The following ATP2C2 variants were observed in gnomAD, a reference collection of about 807,000 sequenced individuals.
ATP2C2 encodes the protein ATPase secretory pathway Ca2+ transporting 2.
ATP2C2 carries 171 observed loss-of-function variants against 110.8 expected under a neutral mutation model. The observed-to-expected ratio is 1.54, with a 90% CI of 1.36 to 1.75. The LOEUF is 1.75. ATP2C2 is among the 40% of genes most tolerant of loss of function. The pLI is 0.00. For missense variants in ATP2C2, 1,963 were observed against 1,235.0 expected (o/e 1.59, Z -8.84); for synonymous variants, 804 against 508.4 (o/e 1.58, Z -7.82).
intron 2 of ATP2C2, 38 bp downstream of exon 2, chr16:84,398,647 A>C: frequency 6.6e-7 from 1 of 1,511,062 alleles, no homozygotes; most frequent in Non-Finnish European, 9.1e-7. Context: ...AATTGTGATA[A>C]GGTTTTATGT....
chr16:84,415,504 G>C lies in ATP2C2; in HGVS notation c.537G>C (p.Gln179His). 2 of 1,614,134 alleles carry C rather than the reference G, an allele frequency of 1.2e-6. No homozygotes were observed. Among genetic ancestry groups the C allele is most frequent in the Non-Finnish European group, 1.7e-6 (2 of 1,180,016 alleles). Residue 179 changes from glutamine (Q) to histidine (H), a missense_variant, in exon 7 of 27, where the codon CAG becomes CAC. Physicochemically the swap from Gln to His is conservative, Grantham distance 24 (BLOSUM62 0). Transcript: ENST00000262429. Reference sequence around the variant, plus strand: ...GCAGCCTAAGAGAAGGAAAACTCCAGCACCTGCTTGCTCGAGAACTGGTTC... The same window carrying C: ...GCAGCCTAAGAGAAGGAAAACTCCACCACCTGCTTGCTCGAGAACTGGTTC... Reference protein sequence around the residue: ...ECNCLREGKLQHLLARELVPG... With the variant: ...ECNCLREGKLHHLLARELVPG...
intron 14 of ATP2C2, 32 bp downstream of exon 14, chr16:84,440,990 G>T (rs779039517): frequency 6.5e-7 from 1 of 1,537,340 alleles, no homozygotes; most frequent in East Asian, 2.3e-5. Flanking sequence ...AGGGAAATAG[G>T]CATTTACATT....
At chr16:84,463,493 T>G (rs1438084331) in intron 26 of ATP2C2, 121 bp from the exon 27 acceptor site, 1 of 801,410 alleles carries the variant, frequency 1.2e-6, no homozygotes, top group Non-Finnish European at 2.1e-6. Context: ...TTCAGGGGAA[T>G]GAAAAGGGCT....
At chr16:84,426,600 G>A (rs1907835203) in intron 11 of ATP2C2, among the ~76,000 whole-genome samples, 1 of 152,108 alleles carries the variant, frequency 6.6e-6, no homozygotes, top group Admixed American at 6.5e-5. Context: ...TTCCTCCTCT[G>A]AAAAATGGGA....
At chr16:84,405,843 C>A (rs909568019) in intron 3 of ATP2C2, among the ~76,000 whole-genome samples, 6 of 152,118 alleles carry the variant, frequency 3.9e-5, no homozygotes, top group Admixed American at 3.9e-4. Context: ...TTGTTGGAAC[C>A]CAGGAGGTGG....
At chr16:84,403,092 A>T (rs1224967327) in intron 2 of ATP2C2, among the ~76,000 whole-genome samples, 3 of 152,154 alleles carry the variant, frequency 2.0e-5, no homozygotes, top group Non-Finnish European at 4.4e-5. Context: ...GGTAGCCACT[A>T]ATGGCCCTTT....
chr16:84,393,418 C>T (rs1054510001), intron 1 of ATP2C2, among the ~76,000 whole-genome samples: 1 of 152,054 alleles, frequency 6.6e-6, no homozygotes, highest in Non-Finnish European at 1.5e-5. Context: ...CGAGACTGGA[C>T]TGAGGCAGAG....
At position 84,453,376 on chromosome 16, in the gene ATP2C2, G is replaced by A. The variant is rs780232457; in HGVS notation, c.1980+5G>A. On this transcript the variant is annotated splice_donor_5th_base_variant and intron_variant, in intron 20 of 26. Coordinates refer to ENST00000262429, the MANE Select transcript of ATP2C2 (RefSeq NM_014861.4). ...CACAAGCTCAAAATCATCAAGGTTCGCTGGGCAAGGCAGGCACAGGCTGCG... is the reference window on the plus strand; with the variant it reads ...CACAAGCTCAAAATCATCAAGGTTCACTGGGCAAGGCAGGCACAGGCTGCG... 33 of 1,613,984 alleles carry A rather than the reference G, an allele frequency of 2.0e-5. No homozygotes were observed. The highest frequency in any genetic ancestry group is 1.6e-4 in the Middle Eastern group (1 of 6,084).
chr16:84,419,961 G>T (rs967062036), intron 7 of ATP2C2, among the ~76,000 whole-genome samples: 1 of 152,110 alleles, frequency 6.6e-6, no homozygotes, highest in African/African-American at 2.4e-5. Flanking sequence ...AGCTTTTGGC[G>T]CAAAACAGCC....
intron 6 of ATP2C2, among the ~76,000 whole-genome samples, chr16:84,411,088 T>G (rs1253642484): frequency 6.6e-6 from 1 of 152,070 alleles, no homozygotes. Flanking sequence ...CTGTGTGCAT[T>G]TTTTCTAGGG....
chr16:84,452,535 G>A (rs1202074871), intron 18 of ATP2C2, among the ~76,000 whole-genome samples: 3 of 118,722 alleles, frequency 2.5e-5, no homozygotes, highest in African/African-American at 9.8e-5. Context: ...GTCTTGTTCT[G>A]TTGCCTGGGC....
intron 1 of ATP2C2, among the ~76,000 whole-genome samples, chr16:84,392,870 A>G (rs1045811062): frequency 5.9e-5 from 9 of 152,142 alleles, no homozygotes; most frequent in South Asian, 4.1e-4. Context: ...CAACGTGTCT[A>G]TTATCTCCAG....
At chr16:84,414,190 C>T (rs898103132) in intron 6 of ATP2C2, among the ~76,000 whole-genome samples, 4 of 152,170 alleles carry the variant, frequency 2.6e-5, no homozygotes, top group African/African-American at 9.7e-5. Context: ...ACAGGTATAT[C>T]TCTGGCAGGT....
chr16:84,368,856 T>A, intron 1 of ATP2C2, 142 bp downstream of exon 1: 1 of 732,918 alleles, frequency 1.4e-6, no homozygotes, highest in South Asian at 1.9e-5. Context: ...GAAGCTGTCC[T>A]CACAGCAACC....
At chr16:84,426,341 G>A (rs1339980942) in intron 11 of ATP2C2, among the ~76,000 whole-genome samples, 1 of 152,130 alleles carries the variant, frequency 6.6e-6, no homozygotes, top group Non-Finnish European at 1.5e-5. Flanking sequence ...CCATTCATGA[G>A]GGATCCACCC....
intron 6 of ATP2C2, among the ~76,000 whole-genome samples, chr16:84,413,918 G>C (rs1452266458): frequency 6.6e-6 from 1 of 152,112 alleles, no homozygotes; most frequent in African/African-American, 2.4e-5. Flanking sequence ...CGGCCTTTGG[G>C]GACCTCACAT....
rs774822442 is a variant in ATP2C2, at chr16:84,442,470, C to T, written c.1312-40C>T. 15 of 1,597,676 alleles carry T rather than the reference C, an allele frequency of 9.4e-6. No homozygotes were observed. In the Admixed American group the frequency reaches 2.5e-4, roughly 27 times the overall value. On this transcript the variant is annotated intron_variant, in intron 14 of 26. Transcript: ENST00000262429. ...CCACAATGTCTAACTTTTTCATGAG[C>T]CCAGTACTAACTACAGATGTCCGGA... is the stretch of plus-strand genomic sequence containing the variant.
In ATP2C2 at chr16:84,383,787, G is replaced by GTTT. The variant is rs58587781; in HGVS notation, c.100-14693_100-14691dup. 5.9e-4 allele frequency among the ~76,000 whole-genome samples: 59 copies of GTTT among 100,812 alleles called. 1 individual carries two copies. Among genetic ancestry groups the GTTT allele is most frequent in the Non-Finnish European group, 7.7e-4 (41 of 52,988 alleles). 66.1% of individuals were successfully genotyped at this position (100,812 alleles called of 152,430 possible). A position where few individuals can be genotyped will look rare whatever the true frequency, so the allele number is the denominator to read the frequency against. ...GGGGGTGGGGGTGTTGGTTTTGTTG[G>GTTT]TTTTTTTTTTTTTTTTTTTTTGAGA... On this transcript the variant is annotated intron_variant, in intron 1 of 26. Coordinates refer to ENST00000262429, the MANE Select transcript of ATP2C2 (RefSeq NM_014861.4).
chr16:84,463,596 T>TAGAA lies in ATP2C2; in HGVS notation c.2723-18_2723-17insAGAA. On this transcript the variant is annotated splice_polypyrimidine_tract_variant and intron_variant, in intron 26 of 26. Transcript: ENST00000262429. The stretch of plus-strand genomic sequence containing the variant: ...GCTGCAGCCCGTCCTGAATCTTTTC[T>TAGAA]GTTTTCTCCCTTGGCAGATTTGCTG... The TAGAA allele has an allele frequency of 6.2e-7, 1 of 1,601,498 alleles. No individual in the cohort carries two copies. The highest frequency in any genetic ancestry group is 8.6e-7 in the Non-Finnish European group (1 of 1,168,550).
Sources: allele counts gnomAD v4.1 joint callset (sites outside exome capture counted in the v4.1 genomes callset), GRCh38; gene constraint gnomAD v4.1.1; transcripts MANE v1.5; gene names NCBI Gene and HGNC (gene_info 2026-07-23, HGNC 2026-07-21).